Variants in LRP6 observed in about 807,000 individuals in gnomAD.
The protein encoded by LRP6 is LDL receptor related protein 6, also known as low-density lipoprotein receptor-related protein 6.
A neutral mutation model predicts 184.1 loss-of-function variants in LRP6; 43 were observed. The ratio of observed to expected loss-of-function variants is 0.23; its 90% CI spans 0.18 to 0.30. The LOEUF is 0.30. LRP6 is among the 10% of genes least tolerant of loss of function. The probability of loss-of-function intolerance (pLI) is 1.00; values close to 1 mark genes in which losing one functional copy is unlikely to be tolerated. For missense variants in LRP6, 1,571 were observed against 2,005.3 expected, an observed-to-expected ratio of 0.78 and a Z score of 4.14; for synonymous variants, 719 against 684.9, an observed-to-expected ratio of 1.05 and a Z score of -0.78.
At chr12:12,138,639 A>AG in intron 15 of LRP6, 105 bp from the exon 16 acceptor site, 2 of 1,307,796 alleles carry the variant, frequency 1.5e-6, no homozygotes, top group Non-Finnish European at 2.1e-6. Context: ...AGAGAAAAGA[A>AG]AAAAAAAACA....
At chr12:12,129,744 G>A (rs1413121002) in intron 19 of LRP6, among the ~76,000 whole-genome samples, 2 of 152,024 alleles carry the variant, frequency 1.3e-5, no homozygotes, top group African/African-American at 2.4e-5. Flanking sequence ...GTAGAGACGG[G>A]GTTTCACATG....
At chr12:12,239,192 T>C (rs1452622212) in intron 2 of LRP6, among the ~76,000 whole-genome samples, 1 of 152,210 alleles carries the variant, frequency 6.6e-6, no homozygotes, top group South Asian at 2.1e-4. Flanking sequence ...AAACTGTAAG[T>C]TGTTTACACC....
rs752963322 is a variant in LRP6 at position 12,162,212 on chromosome 12, C to T, written c.2260G>A (p.Ala754Thr). ...WKDLDSPRAL[A>T]LDPAEGFMYW... ...GTTTACCCTTCGGCAGGGTCCAACG[C>T]GAGAGCTCTGGGACTATCTAGGTCT... Residue 754 changes from alanine to threonine, a missense_variant, in exon 10 of 23, where the codon GCG becomes ACG. This residue lies in a region of LRP6 where 158 missense variants were observed against 258.4 expected (regional missense o/e 0.61). Transcript: ENST00000261349. 3.1e-6 allele frequency: 5 copies of T among 1,614,162 alleles called. No individual in the cohort carries two copies. The highest frequency in any genetic ancestry group is 2.2e-5 in the South Asian group (2 of 91,072).
chr12:12,266,392 T>C (rs878996070), intron 1 of LRP6, among the ~76,000 whole-genome samples: 1 of 152,080 alleles, frequency 6.6e-6, no homozygotes, highest in Non-Finnish European at 1.5e-5. Context: ...AGACACTCAG[T>C]CATCCCGACA....
chr12:12,227,872 G>C (rs574252907), intron 2 of LRP6, among the ~76,000 whole-genome samples: 3 of 152,170 alleles, frequency 2.0e-5, no homozygotes, highest in African/African-American at 7.2e-5. Context: ...CAATTCTGTT[G>C]TAAGTCCAAA....
intron 22 of LRP6, among the ~76,000 whole-genome samples, chr12:12,122,115 T>C (rs764394685): frequency 2.6e-5 from 4 of 152,244 alleles, no homozygotes; most frequent in Non-Finnish European, 5.9e-5. Flanking sequence ...AATTTTCTAA[T>C]GTATATTTCA....
At chr12:12,186,822 C>A (rs1863487769) in intron 4 of LRP6, 101 bp downstream of exon 4, 1 of 1,031,164 alleles carries the variant, frequency 9.7e-7, no homozygotes, top group South Asian at 1.3e-5. Context: ...CGCCAACTAT[C>A]TTTGGATATG....
intron 4 of LRP6, among the ~76,000 whole-genome samples, chr12:12,185,712 G>A (rs189925339): frequency 6.6e-5 from 10 of 152,266 alleles, no homozygotes; most frequent in Non-Finnish European, 1.0e-4. Context: ...GGAAAACAAG[G>A]TGGGAGGGGT....
chr12:12,138,236 G>A (rs908451571), intron 16 of LRP6, 89 bp downstream of exon 16: 10 of 1,264,126 alleles, frequency 7.9e-6, no homozygotes, highest in Non-Finnish European at 1.2e-5. Context: ...AAGTCTTCAA[G>A]GAAACAGAGT....
At chr12:12,261,498 T>C (rs1329800977) in intron 1 of LRP6, among the ~76,000 whole-genome samples, 1 of 152,168 alleles carries the variant, frequency 6.6e-6, no homozygotes, top group African/African-American at 2.4e-5. Flanking sequence ...AGACAAATTA[T>C]TGTTTAGCCA....
Position 12,164,432 on chromosome 12 carries a change from C to T in LRP6, c.1893G>A (p.Glu631=). ...ISDMKTCIVP[E]AFLLFSRRAD... ...CTCTCCGTGAAAACAAAAGGAAAGC[C>T]TCTGGGACAATGCAGGTCTTCATGT... is the stretch of plus-strand genomic sequence containing the variant. The change falls in exon 9 of 23, where the codon GAG becomes GAA. Residue 631 remains glutamate, a synonymous_variant. Transcript: ENST00000261349. 1 of 1,614,104 alleles carries T rather than the reference C, an allele frequency of 6.2e-7. No homozygotes were observed.
intron 2 of LRP6, among the ~76,000 whole-genome samples, chr12:12,226,157 C>G (rs1197744030): frequency 6.6e-6 from 1 of 152,216 alleles, no homozygotes; most frequent in Admixed American, 6.5e-5. Context: ...AGGGCAATGG[C>G]TGACTAAACA....
At chr12:12,206,404 G>A (rs1179260171) in intron 2 of LRP6, among the ~76,000 whole-genome samples, 9 of 152,130 alleles carry the variant, frequency 5.9e-5, no homozygotes, top group African/African-American at 1.9e-4. Flanking sequence ...TTAGCCAGGC[G>A]TGGTGGCAGA....
intron 9 of LRP6, 94 bp downstream of exon 9, chr12:12,164,179 C>A: frequency 1.8e-6 from 2 of 1,095,322 alleles, no homozygotes; most frequent in Non-Finnish European, 2.7e-6. Flanking sequence ...GCCTGTCAAA[C>A]AATGAGGGAG....
At chr12:12,130,510 G>C (rs1033812573) in intron 19 of LRP6, among the ~76,000 whole-genome samples, 1 of 152,186 alleles carries the variant, frequency 6.6e-6, no homozygotes, top group African/African-American at 2.4e-5. Context: ...TAAATGATTT[G>C]AGAATTTTGT....
intron 19 of LRP6, among the ~76,000 whole-genome samples, chr12:12,128,841 T>C (rs1208135931): frequency 6.6e-6 from 1 of 152,182 alleles, no homozygotes. Context: ...CTTAAACTTA[T>C]CAACTATAGC....
intron 1 of LRP6, among the ~76,000 whole-genome samples, chr12:12,266,249 G>C (rs910820887): frequency 3.5e-4 from 53 of 152,278 alleles, no homozygotes; most frequent in African/African-American, 1.0e-3. Flanking sequence ...ACACCGAAAC[G>C]GGGTGGGGAG....
chr12:12,249,671 AGAAGGAAG>A (rs3053796), intron 1 of LRP6, among the ~76,000 whole-genome samples: 18,019 of 141,286 alleles, frequency 0.13, 1,322 homozygotes, highest in African/African-American at 0.18. Flanking sequence ...GTGCTATAAC[AGAAGGAAG>A]GAAGGAAGGA....
intron 3 of LRP6, among the ~76,000 whole-genome samples, chr12:12,188,912 G>A (rs1451643542): frequency 6.6e-6 from 1 of 152,112 alleles, no homozygotes; most frequent in Non-Finnish European, 1.5e-5. Context: ...AGAGAGAACT[G>A]AGAAAGCTGC....
Sources: gnomAD v4.1 joint callset for allele counts (sites outside exome capture counted in the v4.1 genomes callset) on GRCh38, gnomAD v4.1.1 for gene constraint, gnomAD v4.1.1 regional missense constraint, MANE v1.5 for transcripts, NCBI Gene and HGNC (gene_info 2026-07-23, HGNC 2026-07-21) for gene names.